Variants in RALGAPA2 observed in about 807,000 individuals in gnomAD.
RALGAPA2 encodes ral GTPase-activating protein subunit alpha-2.
RALGAPA2 carries 139 observed loss-of-function variants against 230.4 expected under a neutral mutation model. That is an observed-to-expected ratio of 0.60 (90% CI 0.53 to 0.69). The LOEUF is 0.69. Among genes scored for constraint, RALGAPA2 ranks in the 30% least tolerant of loss-of-function variants. The pLI, the probability that RALGAPA2 is intolerant of heterozygous loss-of-function variation, is 0.00. For missense variants in RALGAPA2, 2,163 were observed against 2,276.0 expected (o/e 0.95, Z 1.01); for synonymous variants, 847 against 837.8 (o/e 1.01, Z -0.19).
chr20:20,426,864 T>C (rs186700392), intron 37 of RALGAPA2, among the ~76,000 whole-genome samples: 46 of 152,332 alleles, frequency 3.0e-4, no homozygotes, highest in Admixed American at 2.5e-3. Context: ...TAAATAAAGA[T>C]GCCAATGAAA....
chr20:20,556,460 C>A (rs1034952897), intron 23 of RALGAPA2, among the ~76,000 whole-genome samples: 1 of 152,180 alleles, frequency 6.6e-6, no homozygotes, highest in Non-Finnish European at 1.5e-5. Flanking sequence ...AAGTGACTTA[C>A]CAGCTGCACC....
At chr20:20,494,069 A>G (rs2062138011) in intron 36 of RALGAPA2, among the ~76,000 whole-genome samples, 1 of 151,930 alleles carries the variant, frequency 6.6e-6, no homozygotes, top group Non-Finnish European at 1.5e-5. Flanking sequence ...CAACAGCAAC[A>G]ATAATAATAA....
intron 1 of RALGAPA2, among the ~76,000 whole-genome samples, chr20:20,682,068 T>G (rs1291760257): frequency 6.6e-6 from 1 of 152,206 alleles, no homozygotes; most frequent in African/African-American, 2.4e-5. Flanking sequence ...ATAATGCAGA[T>G]GATTCTGAAG....
intron 1 of RALGAPA2, among the ~76,000 whole-genome samples, chr20:20,692,370 T>G (rs1050466787): frequency 6.6e-6 from 1 of 152,214 alleles, no homozygotes. Flanking sequence ...TATTTTAAAC[T>G]AAAAACTGAG....
At chr20:20,509,065 T>C (rs1263143837) in intron 33 of RALGAPA2, among the ~76,000 whole-genome samples, 2 of 152,264 alleles carry the variant, frequency 1.3e-5, no homozygotes, top group Non-Finnish European at 2.9e-5. Flanking sequence ...TAATTCAGCA[T>C]ACGCTTAAAA....
intron 37 of RALGAPA2, among the ~76,000 whole-genome samples, chr20:20,451,391 T>G (rs968782820): frequency 6.6e-6 from 1 of 152,148 alleles, no homozygotes; most frequent in Non-Finnish European, 1.5e-5. Context: ...TTCCAAAAAG[T>G]AATCTATTTT....
At chr20:20,536,552 A>C in intron 25 of RALGAPA2, 104 bp downstream of exon 25, 1 of 1,298,574 alleles carries the variant, frequency 7.7e-7, no homozygotes, top group Non-Finnish European at 1.0e-6. Context: ...ATACAGCAAA[A>C]CTTCAGGAAT....
chr20:20,589,365 C>A lies in RALGAPA2; in HGVS notation c.2342G>T (p.Gly781Val). 2 of 1,579,272 alleles carry A rather than the reference C, an allele frequency of 1.3e-6. No individual in the cohort carries two copies. Among genetic ancestry groups the A allele is most frequent in the East Asian group, 4.6e-5 (2 of 43,870 alleles). The change falls in exon 18 of 40, where the codon GGT becomes GTT. Residue 781 changes from glycine (G) to valine (V), a missense_variant and splice_region_variant. Physicochemically the swap from Gly to Val is moderately radical, Grantham distance 109. Coordinates refer to ENST00000202677, the MANE Select transcript of RALGAPA2 (RefSeq NM_020343.4). ...PEPLCSDSSQ[G>V]QKAENTQNSS... is the part of the protein sequence containing the mutation. ...ATTCTGTGTGTTTTCTGCCTTTTGA[C>A]CTAGAAATGGTGGGGCAGGGGGGTA...
At position 20,629,559 on chromosome 20, in the gene RALGAPA2, G is replaced by A. The variant is rs181111036; in HGVS notation, c.1037C>T (p.Ala346Val). The A allele has an allele frequency of 5.6e-6, 9 of 1,613,394 alleles. No individual in the cohort carries two copies. The highest frequency in any genetic ancestry group is 4.5e-5 in the East Asian group (2 of 44,896). ...GGGCCCACCACCATCCAGCTCAGGC[G>A]CTCTCTCCTGCACAGCACCACCACC... ...TVGGGAVQERAPELDGGGPTE... is the reference protein window; with the variant it reads ...TVGGGAVQERVPELDGGGPTE... The change falls in exon 10 of 40, where the codon GCG (alanine) becomes GTG (valine). Residue 346 changes from alanine to valine, a missense_variant. Ala to Val is a moderately conservative substitution (Grantham distance 64, BLOSUM62 0). Coordinates refer to ENST00000202677, the MANE Select transcript of RALGAPA2 (RefSeq NM_020343.4).
chr20:20,611,279 T>C, intron 14 of RALGAPA2, 36 bp downstream of exon 14: 1 of 1,562,816 alleles, frequency 6.4e-7, no homozygotes, highest in Non-Finnish European at 8.7e-7. Flanking sequence ...CTGATTCATT[T>C]CTTGCATTTG....
At chr20:20,633,009 T>TTCTCTC (rs376406756) in intron 9 of RALGAPA2, among the ~76,000 whole-genome samples, 1 of 151,050 alleles carries the variant, frequency 6.6e-6, no homozygotes, top group African/African-American at 2.4e-5. Context: ...TACTGGGTCT[T>TTCTCTC]TCTCTCTCTC....
intron 23 of RALGAPA2, among the ~76,000 whole-genome samples, chr20:20,552,134 A>C (rs1396437148): frequency 6.6e-6 from 1 of 152,204 alleles, no homozygotes; most frequent in East Asian, 1.9e-4. Context: ...CATCCTCCAA[A>C]CCATATTAGA....
At chr20:20,470,552 C>G (rs897170146) in intron 37 of RALGAPA2, among the ~76,000 whole-genome samples, 1 of 151,968 alleles carries the variant, frequency 6.6e-6, no homozygotes, top group Non-Finnish European at 1.5e-5. Context: ...GTAATCTCCC[C>G]AAGGGCTGAG....
At chr20:20,508,132 G>A (rs980756992) in intron 33 of RALGAPA2, among the ~76,000 whole-genome samples, 2 of 152,152 alleles carry the variant, frequency 1.3e-5, no homozygotes, top group African/African-American at 4.8e-5. Context: ...TGACCAATGT[G>A]AGTGTGAGGA....
intron 15 of RALGAPA2, 58 bp downstream of exon 15, chr20:20,605,117 A>C: frequency 6.9e-7 from 1 of 1,439,470 alleles, no homozygotes; most frequent in Non-Finnish European, 9.6e-7. Flanking sequence ...TAGTCATACA[A>C]ATACACACTC....
intron 23 of RALGAPA2, among the ~76,000 whole-genome samples, chr20:20,570,762 C>A (rs2064601976): frequency 6.6e-6 from 1 of 152,180 alleles, no homozygotes; most frequent in Admixed American, 6.5e-5. Context: ...CTCTGTGAAG[C>A]ATAAATCAAT....
Position 20,531,732 on chromosome 20 carries a change from G to A in RALGAPA2, c.3537C>T (p.His1179=). Residue 1179 remains histidine (H), a synonymous_variant, in exon 27 of 40, where the codon CAC becomes CAT. Transcript: ENST00000202677. ...CATTGATGGCCTCTTTCACCTGAGG[G>A]TGGCTTGTACACTGTGCAAGCTCTT... ...ICEELAQCTS[H]PQVKEAINVI... 1 of 1,609,158 alleles carries A rather than the reference G, an allele frequency of 6.2e-7. No individual in the cohort carries two copies. Among genetic ancestry groups the A allele is most frequent in the Non-Finnish European group, 8.5e-7 (1 of 1,177,622 alleles).
chr20:20,550,857 GAGA>G (rs760172470), intron 23 of RALGAPA2, among the ~76,000 whole-genome samples: 13 of 152,246 alleles, frequency 8.5e-5, no homozygotes, highest in Non-Finnish European at 1.3e-4. Context: ...TTTTCAAAAA[GAGA>G]AGGACTCTGA....
chr20:20,566,186 G>A (rs914957197), intron 23 of RALGAPA2, among the ~76,000 whole-genome samples: 4 of 152,218 alleles, frequency 2.6e-5, no homozygotes, highest in African/African-American at 7.2e-5. Context: ...GTTGGCTGGT[G>A]TCTCTGCTGG....
Sources: gnomAD v4.1 joint callset for allele counts (sites outside exome capture counted in the v4.1 genomes callset) on GRCh38, gnomAD v4.1.1 for gene constraint, MANE v1.5 for transcripts, NCBI Gene and HGNC (gene_info 2026-07-23, HGNC 2026-07-21) for gene names.